The following NOS1AP variants were observed in gnomAD, a reference collection of about 807,000 sequenced individuals.
The protein encoded by NOS1AP is nitric oxide synthase 1 adaptor protein, also known as carboxyl-terminal PDZ ligand of neuronal nitric oxide synthase protein.
Under a neutral mutation model 56.2 loss-of-function variants are expected in NOS1AP, and 21 were observed. The ratio of observed to expected loss-of-function variants is 0.37; its 90% CI spans 0.26 to 0.54. NOS1AP has a LOEUF of 0.54. NOS1AP is among the 20% of genes least tolerant of loss of function. NOS1AP has a pLI of 0.84. For missense variants in NOS1AP, 522 were observed against 657.8 expected (o/e 0.79, Z 2.26); for synonymous variants, 270 against 274.6 (o/e 0.98, Z 0.17).
rs1261499431 is a variant in NOS1AP, at chr1:162,114,814, A to G, written c.106-39591A>G. ...TATTTCTGCTTCCTAGGTATGCTTA[A>G]GTCATCGTTTGCGTCTATGTGACCT... On this transcript the variant is annotated intron_variant, in intron 1 of 9. Coordinates refer to ENST00000361897, the MANE Select transcript of NOS1AP (RefSeq NM_014697.3). 2.0e-5 allele frequency among the ~76,000 whole-genome samples: 3 copies of G among 152,272 alleles called. No homozygotes were observed. The East Asian group carries it at 5.8e-4, about 29-fold the overall frequency.
intron 3 of NOS1AP, among the ~76,000 whole-genome samples, chr1:162,299,379 A>C (rs575286343): frequency 1.3e-5 from 2 of 152,202 alleles, no homozygotes; most frequent in Non-Finnish European, 2.9e-5. Flanking sequence ...TAGGATACAT[A>C]CAAAGAAAAT....
intron 2 of NOS1AP, among the ~76,000 whole-genome samples, chr1:162,229,272 A>G (rs1015233990): frequency 2.0e-5 from 3 of 152,212 alleles, no homozygotes; most frequent in Admixed American, 1.3e-4. Context: ...GCTCCTGAGA[A>G]CACAACTCTT....
intron 1 of NOS1AP, among the ~76,000 whole-genome samples, chr1:162,100,468 T>G (rs1211148242): frequency 6.6e-6 from 1 of 152,234 alleles, no homozygotes; most frequent in African/African-American, 2.4e-5. Flanking sequence ...TCACCCACTT[T>G]TTGATGGGGT....
intron 2 of NOS1AP, among the ~76,000 whole-genome samples, chr1:162,164,864 C>A (rs1223020284): frequency 6.6e-6 from 1 of 152,156 alleles, no homozygotes; most frequent in Non-Finnish European, 1.5e-5. Context: ...GCTGGGAGCG[C>A]AAACCTCTTT....
At chr1:162,345,490 A>G (rs1657262978) in intron 6 of NOS1AP, among the ~76,000 whole-genome samples, 2 of 152,322 alleles carry the variant, frequency 1.3e-5, no homozygotes, top group Middle Eastern at 3.4e-3. Flanking sequence ...TACAGTATTC[A>G]AAACTCATGG....
At chr1:162,198,509 A>G (rs1451192685) in intron 2 of NOS1AP, among the ~76,000 whole-genome samples, 1 of 152,174 alleles carries the variant, frequency 6.6e-6, no homozygotes, top group Non-Finnish European at 1.5e-5. Context: ...CAAGCCCTAA[A>G]GACATCTGAA....
At chr1:162,241,717 C>G (rs780304992) in intron 2 of NOS1AP, among the ~76,000 whole-genome samples, 36 of 152,070 alleles carry the variant, frequency 2.4e-4, no homozygotes, top group Non-Finnish European at 3.8e-4. Flanking sequence ...ACGGGAAGAA[C>G]TCAAGATGAA....
chr1:162,359,723 G>A (rs547391348), intron 8 of NOS1AP, among the ~76,000 whole-genome samples: 10 of 151,306 alleles, frequency 6.6e-5, no homozygotes, highest in Non-Finnish European at 2.9e-5. Flanking sequence ...TCTACGCGGG[G>A]GGGGGCTGAT....
chr1:162,122,361 G>A, intron 1 of NOS1AP, among the ~76,000 whole-genome samples: 1 of 152,180 alleles, frequency 6.6e-6, no homozygotes, highest in East Asian at 1.9e-4. Context: ...TTGAATTATA[G>A]GGAAGAGTAG....
chr1:162,346,149 T>C (rs1657287961), intron 6 of NOS1AP, among the ~76,000 whole-genome samples: 1 of 152,218 alleles, frequency 6.6e-6, no homozygotes, highest in Non-Finnish European at 1.5e-5. Flanking sequence ...TTCATATGCC[T>C]TTTGACCCCC....
intron 2 of NOS1AP, among the ~76,000 whole-genome samples, chr1:162,264,454 T>TCC (rs879475910): frequency 2.4e-5 from 1 of 42,132 alleles, no homozygotes; most frequent in African/African-American, 1.6e-4. Flanking sequence ...TCTTCTCTTC[T>TCC]CTTCTCTTCT....
chr1:162,277,808 G>T (rs1396283596), intron 2 of NOS1AP, among the ~76,000 whole-genome samples: 1 of 152,138 alleles, frequency 6.6e-6, no homozygotes, highest in Non-Finnish European at 1.5e-5. Flanking sequence ...GGGATTTAGG[G>T]ACCACTTCCT....
At chr1:162,205,572 C>T (rs1652134496) in intron 2 of NOS1AP, among the ~76,000 whole-genome samples, 1 of 152,216 alleles carries the variant, frequency 6.6e-6, no homozygotes, top group South Asian at 2.1e-4. Context: ...CTAATATTCT[C>T]GTCTTCATGC....
At chr1:162,174,284 T>G (rs949657242) in intron 2 of NOS1AP, among the ~76,000 whole-genome samples, 3 of 151,824 alleles carry the variant, frequency 2.0e-5, no homozygotes, top group Admixed American at 6.6e-5. Context: ...CTGGAAACCA[T>G]CATTCTCAGC....
At chr1:162,078,107 T>G (rs1691809854) in intron 1 of NOS1AP, among the ~76,000 whole-genome samples, 1 of 152,142 alleles carries the variant, frequency 6.6e-6, no homozygotes, top group Admixed American at 6.6e-5. Flanking sequence ...TTCTACCTCC[T>G]CCCTTTGCCC....
At chr1:162,312,633 G>T (rs1402275668) in intron 4 of NOS1AP, among the ~76,000 whole-genome samples, 1 of 149,230 alleles carries the variant, frequency 6.7e-6, no homozygotes, top group African/African-American at 2.5e-5. Context: ...ATTGCTTTTG[G>T]TGTTTTAGAC....
chr1:162,120,264 A>C (rs1474295598), intron 1 of NOS1AP, among the ~76,000 whole-genome samples: 2 of 152,212 alleles, frequency 1.3e-5, no homozygotes, highest in Non-Finnish European at 2.9e-5. Flanking sequence ...TACATTCATC[A>C]ATTTTATTTA....
At chr1:162,116,975 G>A (rs1647985677) in intron 1 of NOS1AP, among the ~76,000 whole-genome samples, 2 of 152,268 alleles carry the variant, frequency 1.3e-5, no homozygotes, top group Non-Finnish European at 1.5e-5. Flanking sequence ...ACAGGAGACA[G>A]CCTTTGTTCC....
intron 2 of NOS1AP, among the ~76,000 whole-genome samples, chr1:162,286,797 C>G (rs989294106): frequency 1.3e-5 from 2 of 152,140 alleles, no homozygotes; most frequent in Non-Finnish European, 2.9e-5. Flanking sequence ...CTAGATGTGC[C>G]AAAATCTTCA....
Sources: allele counts gnomAD v4.1 joint callset (sites outside exome capture counted in the v4.1 genomes callset), GRCh38; gene constraint gnomAD v4.1.1; transcripts MANE v1.5; gene names NCBI Gene and HGNC (gene_info 2026-07-23, HGNC 2026-07-21).